Variants in COG2 observed in about 807,000 individuals in gnomAD.
COG2 encodes component of oligomeric golgi complex 2.
Under a neutral mutation model 90.6 loss-of-function variants are expected in COG2, and 52 were observed. That is an observed-to-expected ratio of 0.57 (90% CI 0.46 to 0.72). The LOEUF (loss-of-function observed/expected upper bound fraction) is 0.72, where lower values mean the gene tolerates loss of function less well. Among genes scored for constraint, COG2 ranks in the 30% least tolerant of loss-of-function variants. The pLI, the probability that COG2 is intolerant of heterozygous loss-of-function variation, is 0.00. For missense variants in COG2, 829 were observed against 891.2 expected (o/e 0.93, Z 0.89); for synonymous variants, 337 against 320.4 (o/e 1.05, Z -0.55).
At chr1:230,652,393 C>T (rs1177955701) in intron 1 of COG2, among the ~76,000 whole-genome samples, 1 of 152,192 alleles carries the variant, frequency 6.6e-6, no homozygotes, top group Non-Finnish European at 1.5e-5. Flanking sequence ...TAGCTCATCT[C>T]TTTTTATTGC....
chr1:230,673,807 A>G (rs952725129), intron 8 of COG2, among the ~76,000 whole-genome samples: 9 of 152,098 alleles, frequency 5.9e-5, no homozygotes, highest in Non-Finnish European at 8.8e-5. Flanking sequence ...CTATAATAAC[A>G]TTATTTGCTA....
chr1:230,688,681 T>C, intron 15 of COG2, 119 bp downstream of exon 15: 1 of 1,141,498 alleles, frequency 8.8e-7, no homozygotes, highest in South Asian at 1.4e-5. Flanking sequence ...ACTGAGCTCA[T>C]CCCATTCTGA....
At chr1:230,648,813 G>A (rs1298205030) in intron 1 of COG2, among the ~76,000 whole-genome samples, 1 of 152,142 alleles carries the variant, frequency 6.6e-6, no homozygotes, top group Non-Finnish European at 1.5e-5. Flanking sequence ...TGGGGCTTGG[G>A]CTTTCTCAGG....
At position 230,642,708 on chromosome 1, in the gene COG2, G is replaced by T; in HGVS notation, c.72+30G>T. The T allele has an allele frequency of 1.9e-6, 3 of 1,601,940 alleles. 1 individual carries two copies. The South Asian group carries it at 3.4e-5, about 18-fold the overall frequency. ...GCGCGGCGTCCGCTCCCCGGAGCCG[G>T]GCCATGAGGGTGCCTCTGCCCTGTG... is the stretch of plus-strand genomic sequence containing the variant. On this transcript the variant is annotated intron_variant, in intron 1 of 17. Transcript: ENST00000366669.
intron 9 of COG2, among the ~76,000 whole-genome samples, 184 bp downstream of exon 9, chr1:230,675,308 T>C (rs1458639156): frequency 2.6e-5 from 4 of 152,234 alleles, no homozygotes; most frequent in East Asian, 3.8e-4. Flanking sequence ...ATGATACTTT[T>C]AGGAATAAGA....
rs535100465 is a variant in COG2, at chr1:230,691,239, A to T, written c.1935-145A>T. 82 of 589,382 alleles carry T rather than the reference A, an allele frequency of 1.4e-4. 3 individuals are homozygous for T. The South Asian group carries it at 1.9e-3, about 14-fold the overall frequency. The allele number at this position is 589,382 out of a possible 1,614,324, so 36.5% of individuals were successfully genotyped here. A position where few individuals can be genotyped will look rare whatever the true frequency, so the allele number is the denominator to read the frequency against. On this transcript the variant is annotated intron_variant, in intron 16 of 17. Coordinates refer to ENST00000366669, the MANE Select transcript of COG2 (RefSeq NM_007357.3). ...TATATATATAAAATGATCTTAAGAA[A>T]CTTAAATACTTACCGTGGTTGAATT...
In COG2 at chr1:230,690,092, A is replaced by G. The variant is rs761778416; in HGVS notation, c.1873A>G (p.Lys625Glu). Residue 625 changes from lysine to glutamate, a missense_variant, in exon 16 of 18, where the codon AAG becomes GAG. Lys to Glu is a moderately conservative substitution (Grantham distance 56). Transcript: ENST00000366669. ...LFQLQSGHKDKLKQAIIQQWL... is the reference protein window; with the variant it reads ...LFQLQSGHKDELKQAIIQQWL... ...CCAGCTTCAGAGCGGACACAAGGATAAGCTCAAACAAGCAATAATTCAGCA... is the reference window on the plus strand; with the variant it reads ...CCAGCTTCAGAGCGGACACAAGGATGAGCTCAAACAAGCAATAATTCAGCA... 6 of 1,613,654 alleles carry G rather than the reference A, an allele frequency of 3.7e-6. No individual in the cohort carries two copies. In the South Asian group the frequency reaches 5.5e-5, roughly 15 times the overall value.
intron 1 of COG2, among the ~76,000 whole-genome samples, chr1:230,652,434 A>G (rs1571942810): frequency 1.3e-5 from 2 of 152,310 alleles, no homozygotes; most frequent in South Asian, 4.1e-4. Context: ...GATATACCAC[A>G]GTTTGTTCAT....
intron 8 of COG2, among the ~76,000 whole-genome samples, chr1:230,674,432 A>G (rs1263290671): frequency 1.3e-5 from 2 of 152,234 alleles, no homozygotes; most frequent in Non-Finnish European, 2.9e-5. Flanking sequence ...ACAAAACAAG[A>G]CAGGCACACA....
chr1:230,657,144 T>C (rs975731683), intron 1 of COG2, among the ~76,000 whole-genome samples: 1 of 152,206 alleles, frequency 6.6e-6, no homozygotes, highest in Non-Finnish European at 1.5e-5. Flanking sequence ...TGTTAGTTGA[T>C]GCAGTTTCTT....
chr1:230,683,279 A>G (rs1299008820), intron 10 of COG2: 2 of 312,004 alleles, frequency 6.4e-6, no homozygotes, highest in Non-Finnish European at 1.2e-5. Context: ...ACCAGCAACA[A>G]CTTCTTGATG....
At chr1:230,669,123 G>A (rs2102757592) in intron 6 of COG2, 2 of 463,912 alleles carry the variant, frequency 4.3e-6, no homozygotes, top group Middle Eastern at 5.7e-4. Context: ...TAAGAGGAAG[G>A]TAACTTTTTT....
chr1:230,669,507 A>G lies in COG2; in HGVS notation c.746A>G (p.Gln249Arg). Reference sequence around the variant, plus strand: ...CGGGACGCGGAGGCCTTAGTTGGCCAAGTACTAGTGAAACCATACATAGAC... The same window carrying G: ...CGGGACGCGGAGGCCTTAGTTGGCCGAGTACTAGTGAAACCATACATAGAC... The part of the protein sequence containing the change: ...KTRDAEALVG[Q>R]VLVKPYIDEV... The change falls in exon 7 of 18, where the codon CAA becomes CGA. Residue 249 changes from glutamine to arginine, a missense_variant. Coordinates refer to ENST00000366669, the MANE Select transcript of COG2 (RefSeq NM_007357.3). 6.2e-7 allele frequency: 1 copy of G among 1,613,992 alleles called. No homozygotes were observed. The highest frequency in any genetic ancestry group is 1.1e-5 in the South Asian group (1 of 91,058).
Position 230,685,016 on chromosome 1 carries a change from T to TTA in COG2, c.1229-69_1229-68insTA. ...ACCTTTGAATCGTACATCGGAAGTC[T>TTA]CACATTAGACTATAGCCTAAAATTG... On this transcript the variant is annotated intron_variant, in intron 11 of 17. Transcript: ENST00000366669. 3 of 1,516,550 alleles carry TTA rather than the reference T, an allele frequency of 2.0e-6. No individual in the cohort carries two copies. In the South Asian group the frequency reaches 3.6e-5, roughly 18 times the overall value. 93.9% of individuals were successfully genotyped at this position (1,516,550 alleles called of 1,614,324 possible). A position where few individuals can be genotyped will look rare whatever the true frequency, so the allele number is the denominator to read the frequency against.
chr1:230,660,901 T>G, intron 3 of COG2, 78 bp downstream of exon 3: 2 of 942,230 alleles, frequency 2.1e-6, no homozygotes, highest in Non-Finnish European at 3.1e-6. Context: ...AAAAATTCCT[T>G]TAATCTGTTA....
rs752546135 is a variant in COG2, at chr1:230,642,585, C to G, written c.-22C>G. ...GCGTTTTCTCGCTTGGATCTTGGCA[C>G]TGAGAGGCGGTGGCCGGCGGGATGG... is the stretch of plus-strand genomic sequence containing the variant. On this transcript the variant is annotated 5_prime_UTR_variant, in exon 1 of 18. Coordinates refer to ENST00000366669, the MANE Select transcript of COG2 (RefSeq NM_007357.3). The G allele has an allele frequency of 1.2e-6, 2 of 1,607,568 alleles. No homozygotes were observed. Among genetic ancestry groups the G allele is most frequent in the South Asian group, 2.2e-5 (2 of 89,540 alleles).
chr1:230,678,892 T>G, intron 9 of COG2, 21 bp from the exon 10 acceptor site: 1 of 1,604,658 alleles, frequency 6.2e-7, no homozygotes. Context: ...TAATGAAAAT[T>G]TTCCTTTTGT....
At chr1:230,652,663 T>C (rs1215098505) in intron 1 of COG2, among the ~76,000 whole-genome samples, 1 of 152,248 alleles carries the variant, frequency 6.6e-6, no homozygotes, top group Non-Finnish European at 1.5e-5. Flanking sequence ...CAGGAATGAA[T>C]GAGAGTTCCT....
chr1:230,671,457 T>C, intron 7 of COG2, 59 bp from the exon 8 acceptor site: 1 of 1,482,026 alleles, frequency 6.7e-7, no homozygotes, highest in South Asian at 1.2e-5. Context: ...TTCTCTGAAA[T>C]AGATCGTTTG....
Sources: allele counts gnomAD v4.1 joint callset (sites outside exome capture counted in the v4.1 genomes callset), GRCh38; gene constraint gnomAD v4.1.1; transcripts MANE v1.5; gene names NCBI Gene and HGNC (gene_info 2026-07-23, HGNC 2026-07-21).